Variants in TBC1D5 observed in about 807,000 individuals in gnomAD.
The protein encoded by TBC1D5 is TBC1 domain family, member 5.
A neutral mutation model predicts 100.3 loss-of-function variants in TBC1D5; 75 were observed. That is an observed-to-expected ratio of 0.75 (90% CI 0.62 to 0.91). The LOEUF is 0.91. Ranked by LOEUF, TBC1D5 falls within the 40% of genes least tolerant of loss-of-function variation. The probability of loss-of-function intolerance (pLI) is 0.00; values close to 1 mark genes in which losing one functional copy is unlikely to be tolerated. For synonymous variants in TBC1D5, 323 were observed against 325.6 expected, an observed-to-expected ratio of 0.99 and a Z score of 0.09; for missense variants, 910 against 942.4, an observed-to-expected ratio of 0.97 and a Z score of 0.45.
chr3:17,723,617 C>T (rs1319102340), intron 1 of TBC1D5, among the ~76,000 whole-genome samples: 1 of 152,126 alleles, frequency 6.6e-6, no homozygotes, highest in Admixed American at 6.5e-5. Flanking sequence ...CCAGTACACT[C>T]GTGGATTTTT....
At chr3:17,694,115 G>A (rs540020288) in intron 1 of TBC1D5, among the ~76,000 whole-genome samples, 3 of 152,280 alleles carry the variant, frequency 2.0e-5, no homozygotes, top group South Asian at 2.1e-4. Context: ...GACCAAAGGT[G>A]GATAAAATCA....
intron 17 of TBC1D5, among the ~76,000 whole-genome samples, chr3:17,219,766 A>C (rs2074068447): frequency 6.6e-6 from 1 of 152,062 alleles, no homozygotes; most frequent in African/African-American, 2.4e-5. Context: ...GAATAGGGTA[A>C]GCTAATATGC....
intron 3 of TBC1D5, among the ~76,000 whole-genome samples, chr3:17,506,128 G>C (rs566892606): frequency 2.3e-4 from 35 of 152,088 alleles, no homozygotes; most frequent in Middle Eastern, 3.2e-3. Context: ...TGTGTAAAAA[G>C]CTTCAAAATA....
intron 2 of TBC1D5, among the ~76,000 whole-genome samples, chr3:17,545,106 A>T (rs899481472): frequency 3.2e-4 from 48 of 152,064 alleles, no homozygotes; most frequent in African/African-American, 5.6e-4. Context: ...TTTATTTTTT[A>T]AAAAAAGCAC....
intron 2 of TBC1D5, among the ~76,000 whole-genome samples, chr3:17,610,377 G>A (rs1157930875): frequency 1.3e-5 from 2 of 152,116 alleles, no homozygotes; most frequent in African/African-American, 4.8e-5. Context: ...TGTAGAAACA[G>A]GGTTTCACCA....
chr3:17,167,397 T>C (rs898182575), intron 20 of TBC1D5, among the ~76,000 whole-genome samples: 3 of 152,198 alleles, frequency 2.0e-5, no homozygotes, highest in African/African-American at 7.2e-5. Flanking sequence ...AGGCCTGCTG[T>C]AGGTACTAAT....
chr3:17,710,247 A>C, intron 1 of TBC1D5, among the ~76,000 whole-genome samples: 1 of 152,146 alleles, frequency 6.6e-6, no homozygotes, highest in East Asian at 1.9e-4. Flanking sequence ...AACAGAAAGA[A>C]AGACACAGAT....
chr3:17,677,751 G>A (rs2068836791), intron 1 of TBC1D5, among the ~76,000 whole-genome samples: 1 of 152,148 alleles, frequency 6.6e-6, no homozygotes, highest in South Asian at 2.1e-4. Context: ...CAACCCAAAT[G>A]TCCAACAATG....
chr3:17,484,832 A>C (rs2095542341), intron 3 of TBC1D5, among the ~76,000 whole-genome samples: 1 of 152,074 alleles, frequency 6.6e-6, no homozygotes, highest in Non-Finnish European at 1.5e-5. Context: ...CTTAAGATGA[A>C]TTTACAGGGT....
At chr3:17,707,076 T>C (rs527900305) in intron 1 of TBC1D5, among the ~76,000 whole-genome samples, 4 of 152,162 alleles carry the variant, frequency 2.6e-5, no homozygotes, top group Admixed American at 1.3e-4. Flanking sequence ...AATTACAAAC[T>C]TCTATACAAT....
At position 17,602,393 on chromosome 3, in the gene TBC1D5, C is replaced by T. The variant is rs939381103; in HGVS notation, c.-36+21456G>A. Among the ~76,000 whole-genome samples the T allele has an allele frequency of 2.0e-5, 3 of 151,996 alleles. No individual in the cohort carries two copies. In the East Asian group the frequency reaches 5.8e-4, roughly 29 times the overall value. ...TGACTTATCTTCACTCCGAAATACACGATCCCTGGTGCTCAGTACTAAAAG... is the reference window on the plus strand; with the variant it reads ...TGACTTATCTTCACTCCGAAATACATGATCCCTGGTGCTCAGTACTAAAAG... On this transcript the variant is annotated intron_variant, in intron 2 of 21. Transcript: ENST00000253692.
intron 1 of TBC1D5, among the ~76,000 whole-genome samples, chr3:17,688,679 C>T (rs1224868079): frequency 2.0e-5 from 3 of 152,196 alleles, no homozygotes; most frequent in Non-Finnish European, 4.4e-5. Context: ...TCACATATCA[C>T]GTTTGTCAGC....
At chr3:17,416,842 C>T (rs929847527) in intron 4 of TBC1D5, among the ~76,000 whole-genome samples, 2 of 152,058 alleles carry the variant, frequency 1.3e-5, no homozygotes, top group Non-Finnish European at 2.9e-5. Flanking sequence ...TTGGTTACCC[C>T]AAAATGGTCA....
intron 15 of TBC1D5, among the ~76,000 whole-genome samples, chr3:17,269,099 C>T (rs1358961031): frequency 6.6e-6 from 1 of 152,114 alleles, no homozygotes; most frequent in Non-Finnish European, 1.5e-5. Flanking sequence ...AGTACTTCAA[C>T]ATTTTAGTAA....
intron 2 of TBC1D5, among the ~76,000 whole-genome samples, chr3:17,570,776 C>T (rs749996287): frequency 2.0e-5 from 3 of 151,886 alleles, no homozygotes; most frequent in Non-Finnish European, 2.9e-5. Flanking sequence ...ATCATAATGT[C>T]GATACAGTTG....
At chr3:17,256,821 T>G (rs895744746) in intron 16 of TBC1D5, among the ~76,000 whole-genome samples, 2 of 151,948 alleles carry the variant, frequency 1.3e-5, no homozygotes, top group Non-Finnish European at 2.9e-5. Flanking sequence ...ATAGGGGAGG[T>G]GAAGACAGGC....
chr3:17,448,818 T>G (rs1279760856), intron 3 of TBC1D5, among the ~76,000 whole-genome samples: 1 of 152,210 alleles, frequency 6.6e-6, no homozygotes, highest in African/African-American at 2.4e-5. Flanking sequence ...TCCTCAAAAT[T>G]GTTAATGAAC....
chr3:17,317,457 A>C (rs750420992), intron 13 of TBC1D5, among the ~76,000 whole-genome samples: 1 of 152,178 alleles, frequency 6.6e-6, no homozygotes, highest in Non-Finnish European at 1.5e-5. Flanking sequence ...GAAATCTAGA[A>C]GTCCAGCTCA....
chr3:17,527,420 C>T (rs2096152228), intron 2 of TBC1D5, among the ~76,000 whole-genome samples: 1 of 152,160 alleles, frequency 6.6e-6, no homozygotes, highest in African/African-American at 2.4e-5. Flanking sequence ...GGCTGGGTCA[C>T]TTCCATCCTT....
Sources: allele counts gnomAD v4.1 joint callset (sites outside exome capture counted in the v4.1 genomes callset), GRCh38; gene constraint gnomAD v4.1.1; transcripts MANE v1.5; gene names NCBI Gene and HGNC (gene_info 2026-07-23, HGNC 2026-07-21).